Variants in TBC1D9 observed in about 807,000 individuals in gnomAD.
TBC1D9 encodes TBC1 domain family member 9A.
In TBC1D9, 63 loss-of-function variants were observed where a neutral mutation model predicts 132.0. That is an observed-to-expected ratio of 0.48 (90% CI 0.39 to 0.59). TBC1D9 has a LOEUF of 0.59. Ranked by LOEUF, TBC1D9 falls within the 20% of genes least tolerant of loss-of-function variation. The probability of loss-of-function intolerance (pLI) is 0.00; values close to 1 mark genes in which losing one functional copy is unlikely to be tolerated. For missense variants in TBC1D9, 1,261 were observed against 1,592.7 expected, an observed-to-expected ratio of 0.79 and a Z score of 3.54; for synonymous variants, 610 against 609.9, an observed-to-expected ratio of 1.00 and a Z score of 0.00.
In TBC1D9 at chr4:140,683,431, T is replaced by A. The variant is rs143322255; in HGVS notation, c.360+2913A>T. Among the ~76,000 whole-genome samples the A allele has an allele frequency of 2.2e-3, 339 of 152,320 alleles. 3 individuals are homozygous for A. Among genetic ancestry groups the A allele is most frequent in the African/African-American group, 7.1e-3 (294 of 41,568 alleles). Reference sequence around the variant, plus strand: ...TAATTTTTTAGCCAGGTAGACTAGATTATGGAATACAGGGATAGAATAGCT... The same window carrying A: ...TAATTTTTTAGCCAGGTAGACTAGAATATGGAATACAGGGATAGAATAGCT... On this transcript the variant is annotated intron_variant, in intron 3 of 20. Coordinates refer to ENST00000442267, the MANE Select transcript of TBC1D9 (RefSeq NM_015130.3).
At chr4:140,643,619 C>T (rs1185479844) in intron 13 of TBC1D9, 3 of 972,650 alleles carry the variant, frequency 3.1e-6, no homozygotes, top group Non-Finnish European at 4.5e-6. Flanking sequence ...CTGCCTCTGC[C>T]GCAGGAACCG....
At position 140,659,584 on chromosome 4, in the gene TBC1D9, T is replaced by C; in HGVS notation, c.1921+4A>G. On this transcript the variant is annotated splice_donor_region_variant and intron_variant, in intron 11 of 20. Coordinates refer to ENST00000442267, the MANE Select transcript of TBC1D9 (RefSeq NM_015130.3). ...GTTGAAATGTTAAATGCATCTCCAC[T>C]TACCCACAACTCTGGTGTTGTAGTA... 6.3e-7 allele frequency: 1 copy of C among 1,575,594 alleles called. No individual in the cohort carries two copies. Among genetic ancestry groups the C allele is most frequent in the Non-Finnish European group, 8.6e-7 (1 of 1,157,836 alleles).
chr4:140,668,034 A>C (rs1737475430), intron 9 of TBC1D9, among the ~76,000 whole-genome samples: 1 of 152,236 alleles, frequency 6.6e-6, no homozygotes, highest in South Asian at 2.1e-4. Context: ...AAATATTCAC[A>C]TAAGCCTATT....
At chr4:140,674,382 G>C (rs1327481807) in intron 6 of TBC1D9, among the ~76,000 whole-genome samples, 2 of 152,046 alleles carry the variant, frequency 1.3e-5, no homozygotes, top group Non-Finnish European at 1.5e-5. Context: ...TTCACAGTTC[G>C]ACTTCTGTTT....
At chr4:140,670,615 G>A (rs17006308) in intron 7 of TBC1D9, 105 bp downstream of exon 7, 31,441 of 862,526 alleles carry the variant, frequency 0.036, 722 homozygotes, top group Middle Eastern at 0.087. Flanking sequence ...TGCTTTGGGC[G>A]TCAGACGCAA....
chr4:140,683,404 T>C (rs17006343), intron 3 of TBC1D9, among the ~76,000 whole-genome samples: 4,380 of 152,240 alleles, frequency 0.029, 220 homozygotes, highest in African/African-American at 0.1. Flanking sequence ...CTTAGTTGGC[T>C]ATAATTTTTT....
At chr4:140,692,278 G>A (rs1560887436) in intron 2 of TBC1D9, among the ~76,000 whole-genome samples, 2 of 152,204 alleles carry the variant, frequency 1.3e-5, no homozygotes, top group Non-Finnish European at 2.9e-5. Context: ...TTCAGATTCA[G>A]AACAGGCTAT....
intron 2 of TBC1D9, among the ~76,000 whole-genome samples, chr4:140,694,308 T>G (rs917490440): frequency 6.6e-6 from 1 of 152,186 alleles, no homozygotes; most frequent in Non-Finnish European, 1.5e-5. Context: ...CAGTGGCTCA[T>G]GCCTGTAATA....
intron 13 of TBC1D9, chr4:140,642,973 C>T (rs1016449147): frequency 3.0e-6 from 2 of 669,158 alleles, no homozygotes; most frequent in Non-Finnish European, 5.1e-6. Context: ...TGCTGGACCT[C>T]GGCCCGCCAC....
At chr4:140,694,868 T>C (rs896166901) in intron 2 of TBC1D9, among the ~76,000 whole-genome samples, 1 of 152,004 alleles carries the variant, frequency 6.6e-6, no homozygotes, top group African/African-American at 2.4e-5. Context: ...TTTTGTAATT[T>C]TTGCAATAAA....
At chr4:140,639,192 A>C in intron 14 of TBC1D9, 38 bp from the exon 15 acceptor site, 2 of 1,521,796 alleles carry the variant, frequency 1.3e-6, no homozygotes, top group African/African-American at 1.4e-5. Flanking sequence ...TCACAAACTC[A>C]AAAAGTGCCA....
rs774699875 is a variant in TBC1D9 at position 140,634,147 on chromosome 4, G to C, written c.2547C>G (p.Asn849Lys). ...LTSCYWGGSS[N>K]ALDRHDPSLP... is the part of the protein sequence containing the mutation. Reference sequence around the variant, plus strand: ...GGCTGGGGTCATGCCGGTCCAGCGCGTTGCTGCTCCCGCCCCAGTAGCAGC... The same window carrying C: ...GGCTGGGGTCATGCCGGTCCAGCGCCTTGCTGCTCCCGCCCCAGTAGCAGC... The change falls in exon 16 of 21, where the codon AAC (asparagine) becomes AAG (lysine). Residue 849 changes from asparagine to lysine, a missense_variant. Coordinates refer to ENST00000442267, the MANE Select transcript of TBC1D9 (RefSeq NM_015130.3). The C allele has an allele frequency of 3.7e-6, 6 of 1,613,800 alleles. No individual in the cohort carries two copies. The highest frequency in any genetic ancestry group is 5.1e-6 in the Non-Finnish European group (6 of 1,179,900).
chr4:140,670,558 C>T, intron 7 of TBC1D9, 162 bp downstream of exon 7: 1 of 608,700 alleles, frequency 1.6e-6, no homozygotes, highest in Non-Finnish European at 2.9e-6. Flanking sequence ...AATCTATGAC[C>T]CCAAATACAA....
intron 13 of TBC1D9, among the ~76,000 whole-genome samples, chr4:140,646,172 G>A: frequency 6.6e-6 from 1 of 152,172 alleles, no homozygotes; most frequent in East Asian, 1.9e-4. Flanking sequence ...GGAAGTAAGT[G>A]CTCTTCCTAT....
chr4:140,640,846 C>T (rs1430373434), intron 13 of TBC1D9, among the ~76,000 whole-genome samples: 1 of 151,620 alleles, frequency 6.6e-6, no homozygotes, highest in African/African-American at 2.4e-5. Context: ...TCTCATATTC[C>T]ACTACTAAGT....
At chr4:140,698,658 A>G (rs1030976752) in intron 2 of TBC1D9, among the ~76,000 whole-genome samples, 3 of 149,602 alleles carry the variant, frequency 2.0e-5, no homozygotes, top group African/African-American at 7.5e-5. Flanking sequence ...GAATCGCTTG[A>G]GCCTACGAGG....
At chr4:140,682,998 T>C (rs1737729035) in intron 3 of TBC1D9, among the ~76,000 whole-genome samples, 1 of 152,168 alleles carries the variant, frequency 6.6e-6, no homozygotes, top group South Asian at 2.1e-4. Flanking sequence ...GTGATTCTCC[T>C]GCCTCAGCTT....
rs1202371916 is a variant in TBC1D9 at position 140,624,110 on chromosome 4, A to T, written c.3078+6T>A. 1 of 1,595,524 alleles carries T rather than the reference A, an allele frequency of 6.3e-7. No homozygotes were observed. Among genetic ancestry groups the T allele is most frequent in the Non-Finnish European group, 8.6e-7 (1 of 1,168,512 alleles). On this transcript the variant is annotated splice_donor_region_variant and intron_variant, in intron 20 of 20. Transcript: ENST00000442267. ...GAAGCGAATGATTTGAACTTTAAGCACTTACCTGATTTAATTTGGGTAAAT... is the reference window on the plus strand; with the variant it reads ...GAAGCGAATGATTTGAACTTTAAGCTCTTACCTGATTTAATTTGGGTAAAT...
chr4:140,645,181 C>T, intron 13 of TBC1D9: 1 of 550,006 alleles, frequency 1.8e-6, no homozygotes, highest in Non-Finnish European at 3.6e-6. Context: ...AGCAGCTTCT[C>T]CTGATCTCAG....
Sources: allele counts gnomAD v4.1 joint callset (sites outside exome capture counted in the v4.1 genomes callset), GRCh38; gene constraint gnomAD v4.1.1; transcripts MANE v1.5; gene names NCBI Gene and HGNC (gene_info 2026-07-23, HGNC 2026-07-21).